CNTNAP2: variants seen among roughly 807,000 people sequenced by gnomAD.
The protein encoded by CNTNAP2 is contactin-associated protein-like 2.
Under a neutral mutation model 155.2 loss-of-function variants are expected in CNTNAP2, and 98 were observed. The ratio of observed to expected loss-of-function variants is 0.63; its 90% confidence interval spans 0.54 to 0.75. The LOEUF (loss-of-function observed/expected upper bound fraction) is 0.75, where lower values mean the gene tolerates loss of function less well. CNTNAP2 is among the 30% of genes least tolerant of loss of function. The pLI is 0.00. For synonymous variants in CNTNAP2, 651 were observed against 631.2 expected (o/e 1.03, Z -0.47); for missense variants, 1,727 against 1,688.1 (o/e 1.02, Z -0.40).
chr7:146,147,943 C>G (rs1797979717), intron 1 of CNTNAP2, among the ~76,000 whole-genome samples: 1 of 151,952 alleles, frequency 6.6e-6, no homozygotes, highest in African/African-American at 2.4e-5. Context: ...ATATATTTTT[C>G]AAAGTGTCAG....
chr7:146,875,833 G>T (rs1795409539), intron 3 of CNTNAP2, among the ~76,000 whole-genome samples: 1 of 145,336 alleles, frequency 6.9e-6, no homozygotes, highest in South Asian at 2.2e-4. Flanking sequence ...GTCACTTGAG[G>T]CCAGTAGTTC....
chr7:147,654,134 G>A (rs1267881228), intron 13 of CNTNAP2, among the ~76,000 whole-genome samples: 2 of 152,154 alleles, frequency 1.3e-5, no homozygotes, highest in Non-Finnish European at 1.5e-5. Flanking sequence ...GAGAAAAAGT[G>A]TGTACCTCCT....
intron 8 of CNTNAP2, among the ~76,000 whole-genome samples, chr7:147,291,523 T>C (rs149421666): frequency 1.4e-4 from 21 of 152,312 alleles, no homozygotes; most frequent in African/African-American, 4.6e-4. Context: ...TTTAGCAATA[T>C]TTCCTTGTTT....
chr7:146,241,240 A>G (rs1352399984), intron 1 of CNTNAP2, among the ~76,000 whole-genome samples: 1 of 152,202 alleles, frequency 6.6e-6, no homozygotes, highest in Non-Finnish European at 1.5e-5. Context: ...GCATTTAGAT[A>G]TATGTGTAGA....
chr7:146,512,390 G>A (rs1026055752), intron 1 of CNTNAP2, among the ~76,000 whole-genome samples: 1 of 151,692 alleles, frequency 6.6e-6, no homozygotes, highest in Non-Finnish European at 1.5e-5. Flanking sequence ...CAGCTTATTT[G>A]AAGCTTTACC....
At chr7:146,604,648 A>G (rs1326841993) in intron 1 of CNTNAP2, among the ~76,000 whole-genome samples, 1 of 128,532 alleles carries the variant, frequency 7.8e-6, no homozygotes, top group Non-Finnish European at 1.6e-5. Flanking sequence ...GGCATTATTC[A>G]CAATAGCAAA....
chr7:147,529,490 CT>C (rs764455197), intron 11 of CNTNAP2, among the ~76,000 whole-genome samples: 13 of 152,022 alleles, frequency 8.6e-5, no homozygotes, highest in Non-Finnish European at 1.6e-4. Flanking sequence ...AACACTGTGG[CT>C]TTTTGAGAAT....
intron 3 of CNTNAP2, among the ~76,000 whole-genome samples, chr7:146,845,329 G>A (rs1470709254): frequency 6.6e-6 from 1 of 152,166 alleles, no homozygotes; most frequent in Non-Finnish European, 1.5e-5. Context: ...AAGATATGGA[G>A]TCGAAAGGTC....
At position 147,723,591 on chromosome 7, in the gene CNTNAP2, GTTGCAA is replaced by G. The variant is rs948236630; in HGVS notation, c.2098+84286_2098+84291del. Among the ~76,000 whole-genome samples the G allele has an allele frequency of 8.6e-5, 13 of 150,860 alleles. 1 individual carries two copies. Among genetic ancestry groups the G allele is most frequent in the African/African-American group, 3.2e-4 (13 of 40,984 alleles). ...TTGTCTTTTTTTTTTTAGAACTCTA[GTTGCAA>G]AACTCTGCTTATACGTGAAAAAAAG... On this transcript the variant is annotated intron_variant, in intron 13 of 23. Coordinates refer to ENST00000361727, the MANE Select transcript of CNTNAP2 (RefSeq NM_014141.6).
intron 17 of CNTNAP2, among the ~76,000 whole-genome samples, chr7:148,163,145 T>G (rs1309509157): frequency 3.9e-5 from 6 of 152,244 alleles, no homozygotes; most frequent in Non-Finnish European, 4.4e-5. Flanking sequence ...CCTTATATGA[T>G]GTAAGCCCAA....
intron 12 of CNTNAP2, among the ~76,000 whole-genome samples, chr7:147,607,392 CTCTCTG>C (rs891657853): frequency 7.0e-6 from 1 of 143,132 alleles, no homozygotes; most frequent in African/African-American, 2.6e-5. Flanking sequence ...CTTTCTCTTT[CTCTCTG>C]TCTCTCTTCC....
At chr7:147,805,570 A>G (rs1798077441) in intron 13 of CNTNAP2, among the ~76,000 whole-genome samples, 1 of 152,222 alleles carries the variant, frequency 6.6e-6, no homozygotes, top group African/African-American at 2.4e-5. Flanking sequence ...TTTGTCAGAT[A>G]CAGCCTTTAT....
At chr7:147,765,850 G>A (rs1330603749) in intron 13 of CNTNAP2, among the ~76,000 whole-genome samples, 1 of 152,092 alleles carries the variant, frequency 6.6e-6, no homozygotes, top group South Asian at 2.1e-4. Flanking sequence ...AATAAACAAG[G>A]GATGATATAC....
chr7:148,108,550 C>T (rs185546768), intron 15 of CNTNAP2, among the ~76,000 whole-genome samples: 186 of 152,092 alleles, frequency 1.2e-3, no homozygotes, highest in African/African-American at 4.1e-3. Flanking sequence ...TTTGCTGCTC[C>T]CCGTGGTTGG....
At chr7:146,697,929 C>CT (rs1319938163) in intron 1 of CNTNAP2, among the ~76,000 whole-genome samples, 4 of 152,052 alleles carry the variant, frequency 2.6e-5, no homozygotes, top group Non-Finnish European at 5.9e-5. Context: ...ATATTTTCTA[C>CT]TTTCTCTTAT....
At chr7:146,793,901 A>G (rs1274623455) in intron 2 of CNTNAP2, among the ~76,000 whole-genome samples, 1 of 152,222 alleles carries the variant, frequency 6.6e-6, no homozygotes, top group Non-Finnish European at 1.5e-5. Context: ...TTTACTGTTA[A>G]AGAAGACAGG....
At chr7:147,318,662 C>T (rs747731449) in intron 9 of CNTNAP2, among the ~76,000 whole-genome samples, 13 of 150,834 alleles carry the variant, frequency 8.6e-5, no homozygotes, top group Non-Finnish European at 1.8e-4. Context: ...TGGGGCCTAT[C>T]GGGAGGTGGG....
intron 20 of CNTNAP2, among the ~76,000 whole-genome samples, chr7:148,241,868 C>T (rs547965331): frequency 6.6e-6 from 1 of 152,142 alleles, no homozygotes; most frequent in Non-Finnish European, 1.5e-5. Flanking sequence ...TAGACAGTAC[C>T]TCCATTCCTA....
chr7:147,134,577 CATT>C (rs1208780913), intron 8 of CNTNAP2, among the ~76,000 whole-genome samples: 1 of 150,690 alleles, frequency 6.6e-6, no homozygotes, highest in Non-Finnish European at 1.5e-5. Flanking sequence ...ATTTGAGAAA[CATT>C]AGTTGAAAAA....
Sources: gnomAD v4.1 joint callset for allele counts (sites outside exome capture counted in the v4.1 genomes callset) on GRCh38, gnomAD v4.1.1 for gene constraint, MANE v1.5 for transcripts, NCBI Gene and HGNC (gene_info 2026-07-23, HGNC 2026-07-21) for gene names.